The following KLF8 variants were observed in gnomAD, a reference collection of about 807,000 sequenced individuals.
KLF8 encodes the protein KLF transcription factor 8.
In KLF8, 10 loss-of-function variants were observed where a neutral mutation model predicts 18.2. The ratio of observed to expected loss-of-function variants is 0.55; its 90% confidence interval spans 0.34 to 0.93. The LOEUF (loss-of-function observed/expected upper bound fraction) is 0.93, where lower values mean the gene tolerates loss of function less well. Ranked by LOEUF, KLF8 falls within the 40% of genes least tolerant of loss-of-function variation. The pLI, the probability that KLF8 is intolerant of heterozygous loss-of-function variation, is 0.02. For missense variants in KLF8, 264 were observed against 277.9 expected (o/e 0.95, Z 0.36); for synonymous variants, 109 against 97.3 (o/e 1.12, Z -0.71).
At chrX:56,113,556 T>C in the KLF8 span, among the ~76,000 whole-genome samples, 20 of 66,804 alleles carry the variant, frequency 3.0e-4, no homozygotes, top group Non-Finnish European at 5.6e-4. Context: ...CAGGGATAGT[T>C]TTTTTTTTTT....
the KLF8 span, among the ~76,000 whole-genome samples, chrX:56,131,516 A>T: frequency 9.0e-6 from 1 of 111,532 alleles, no homozygotes; most frequent in Non-Finnish European, 1.9e-5. Context: ...AAATCCTGGA[A>T]ATACATCAAA....
chrX:56,215,757 AG>A, the KLF8 span, among the ~76,000 whole-genome samples: 288 of 90,018 alleles, frequency 3.2e-3, 3 homozygotes, highest in African/African-American at 0.012. Flanking sequence ...CAGGAGGTGG[AG>A]GTTCCAGTGA....
At chrX:56,040,061 T>G in the KLF8 span, among the ~76,000 whole-genome samples, 1 of 111,468 alleles carries the variant, frequency 9.0e-6, no homozygotes, top group East Asian at 2.8e-4. Flanking sequence ...GTAGTGATTT[T>G]TGCACATTGC....
chrX:56,014,033 T>A, the KLF8 span, among the ~76,000 whole-genome samples: 2 of 111,549 alleles, frequency 1.8e-5, no homozygotes, highest in Non-Finnish European at 3.8e-5. Context: ...ATAAAAATCC[T>A]AAAAGAAAAT....
chrX:56,265,500 C>T lies in KLF8; in HGVS notation c.402C>T (p.Asn134=). 7.4e-6 allele frequency: 9 copies of T among 1,211,996 alleles called. No homozygotes were observed. Among genetic ancestry groups the T allele is most frequent in the Non-Finnish European group, 1.0e-5 (9 of 895,527 alleles). ...CATCTGACATGAGCACTTCAGCAAA[C>T]ATTCCTACTGTTCTGACCCCAGGCT... ...TSTSDMSTSA[N]IPTVLTPGSV... is the part of the protein sequence containing the mutation. The change falls in exon 3 of 6, where the codon AAC becomes AAT. Residue 134 remains asparagine, a synonymous_variant. Transcript: ENST00000468660.
At chrX:56,131,476 A>G in the KLF8 span, among the ~76,000 whole-genome samples, 1 of 111,825 alleles carries the variant, frequency 8.9e-6, no homozygotes, top group Non-Finnish European at 1.9e-5. Flanking sequence ...CAGTACAAGA[A>G]CTGCTAAAAG....
At chrX:56,064,955 T>G in the KLF8 span, among the ~76,000 whole-genome samples, 1 of 111,858 alleles carries the variant, frequency 8.9e-6, no homozygotes, top group Non-Finnish European at 1.9e-5. Flanking sequence ...TGCTGAGAAT[T>G]TTGCTGTTAG....
the KLF8 span, among the ~76,000 whole-genome samples, chrX:55,927,393 T>A: frequency 9.8e-5 from 11 of 112,077 alleles, no homozygotes; most frequent in African/African-American, 3.2e-4. Flanking sequence ...TATGCACATA[T>A]GTGAGAGTTT....
the KLF8 span, among the ~76,000 whole-genome samples, chrX:56,169,595 T>C: frequency 9.0e-6 from 1 of 111,453 alleles, no homozygotes; most frequent in Non-Finnish European, 1.9e-5. Flanking sequence ...GGAGTTAGGC[T>C]CCTAAGGCTG....
the KLF8 span, among the ~76,000 whole-genome samples, chrX:55,925,951 C>T: frequency 3.6e-5 from 4 of 111,782 alleles, no homozygotes; most frequent in African/African-American, 6.5e-5. Flanking sequence ...ACGTAATAAT[C>T]ACATCATGGA....
chrX:56,043,459 A>G, the KLF8 span, among the ~76,000 whole-genome samples: 1 of 111,158 alleles, frequency 9.0e-6, no homozygotes, highest in Non-Finnish European at 1.9e-5. Flanking sequence ...CCAATCAGTG[A>G]TAGTTTCAGT....
the KLF8 span, among the ~76,000 whole-genome samples, chrX:56,168,200 T>G: frequency 2.8e-3 from 316 of 112,376 alleles, 1 homozygote; most frequent in Admixed American, 4.7e-3. Flanking sequence ...CTGTTACAAC[T>G]GATGAACAAA....
chrX:55,974,163 T>A, the KLF8 span, among the ~76,000 whole-genome samples: 1 of 110,933 alleles, frequency 9.0e-6, no homozygotes, highest in Non-Finnish European at 1.9e-5. Flanking sequence ...AGAAGGGAAT[T>A]GTAGACACCA....
rs1232706091 is a variant in KLF8, at chrX:56,288,240, C to CAA, written c.*3758_*3759dup. 2.0e-5 allele frequency among the ~76,000 whole-genome samples: 2 copies of CAA among 99,960 alleles called. No homozygotes were observed. Among genetic ancestry groups the CAA allele is most frequent in the African/African-American group, 7.2e-5 (2 of 27,658 alleles). The allele number at this position is 99,960 out of a possible 115,157, so 86.8% of individuals were successfully genotyped here. A position where few individuals can be genotyped will look rare whatever the true frequency, so the allele number is the denominator to read the frequency against. On this transcript the variant is annotated 3_prime_UTR_variant, in exon 6 of 6. Transcript: ENST00000468660. ...GGTGACAGAGCGACACACTTGATCT[C>CAA]AAAAAAAAAAAAATTGTTTCAGCAT...
chrX:56,165,919 C>T, the KLF8 span, among the ~76,000 whole-genome samples: 1 of 109,077 alleles, frequency 9.2e-6, no homozygotes, highest in East Asian at 2.8e-4. Flanking sequence ...ACCATTTTAA[C>T]TTTTAAGAAG....
the KLF8 span, among the ~76,000 whole-genome samples, chrX:56,024,271 G>A: frequency 4.7e-5 from 5 of 106,637 alleles, no homozygotes; most frequent in East Asian, 2.9e-4. Flanking sequence ...GCAGTAGCGC[G>A]ATCTTGGCTC....
the KLF8 span, among the ~76,000 whole-genome samples, chrX:55,950,006 A>G: frequency 9.0e-6 from 1 of 111,154 alleles, no homozygotes; most frequent in East Asian, 2.8e-4. Flanking sequence ...TAAAATGACA[A>G]CTGTCTCCAA....
chrX:56,018,421 CTGAA>C, the KLF8 span, among the ~76,000 whole-genome samples: 1 of 111,624 alleles, frequency 9.0e-6, no homozygotes, highest in African/African-American at 3.3e-5. Flanking sequence ...TGACATAGCT[CTGAA>C]TGAAAGTCAT....
At chrX:55,942,160 A>C in the KLF8 span, among the ~76,000 whole-genome samples, 2 of 111,782 alleles carry the variant, frequency 1.8e-5, no homozygotes, top group African/African-American at 6.5e-5. Flanking sequence ...AATGTGGCAC[A>C]TATACACCAT....
Sources: allele counts gnomAD v4.1 joint callset (sites outside exome capture counted in the v4.1 genomes callset), GRCh38; gene constraint gnomAD v4.1.1; transcripts MANE v1.5; gene names NCBI Gene and HGNC (gene_info 2026-07-23, HGNC 2026-07-21).